The following FBRSL1 variants were observed in gnomAD, a reference collection of about 807,000 sequenced individuals.
FBRSL1 encodes the protein fibrosin-1-like protein.
In FBRSL1, 51 loss-of-function variants were observed where a neutral mutation model predicts 89.6. The observed-to-expected ratio is 0.57, with a 90% CI of 0.45 to 0.72. The LOEUF (loss-of-function observed/expected upper bound fraction) is 0.72. FBRSL1 is among the 30% of genes least tolerant of loss of function. The pLI, the probability that FBRSL1 is intolerant of heterozygous loss-of-function variation, is 0.00. For synonymous variants in FBRSL1, 779 were observed against 681.1 expected (o/e 1.14, Z -2.24); for missense variants, 1,618 against 1,451.8 (o/e 1.11, Z -1.86).
intron 5 of FBRSL1, among the ~76,000 whole-genome samples, chr12:132,548,343 C>G (rs1044499238): frequency 6.6e-6 from 1 of 152,180 alleles, no homozygotes; most frequent in Admixed American, 6.5e-5. Flanking sequence ...CACATCAGCT[C>G]CAGCTCCTGG....
At chr12:132,564,747 G>A (rs557617859) in intron 5 of FBRSL1, among the ~76,000 whole-genome samples, 3,191 of 53,576 alleles carry the variant, frequency 0.06, 653 homozygotes, top group Middle Eastern at 0.2. Flanking sequence ...CGCCCTCCTC[G>A]GCCTCCCGAG....
chr12:132,518,193 C>T (rs2035015367), intron 2 of FBRSL1, among the ~76,000 whole-genome samples: 2 of 152,180 alleles, frequency 1.3e-5, no homozygotes, highest in African/African-American at 4.8e-5. Flanking sequence ...GCCAGCATCC[C>T]TCATATCATC....
Position 132,584,819 on chromosome 12 carries a change from TACACACACACACAC to T in FBRSL1, c.*1061_*1074del, listed in dbSNP as rs72443894. ...AGTGCAAGAGTCTAAAGGCTGATTTTACACACACACACACACACACACACACACACACAAAATCA... is the reference window on the plus strand; with the variant it reads ...AGTGCAAGAGTCTAAAGGCTGATTTTACACACACACACACACACAAAATCA... On this transcript the variant is annotated 3_prime_UTR_variant, in exon 19 of 19. Transcript: ENST00000680143. The T allele has an allele frequency of 6.0e-5, 6 of 99,482 alleles. No homozygotes were observed. The highest frequency in any genetic ancestry group is 1.8e-4 in the African/African-American group (5 of 27,932). The allele number at this position is 99,482 out of a possible 1,614,324, so 6.2% of individuals were successfully genotyped here.
chr12:132,570,934 T>C (rs1316920937), intron 8 of FBRSL1, 134 bp from the exon 9 acceptor site: 1 of 523,004 alleles, frequency 1.9e-6, no homozygotes, highest in African/African-American at 2.1e-5. Flanking sequence ...CCCAGGCGCT[T>C]CCTGAGGCTC....
In FBRSL1 at chr12:132,583,446, TAC is replaced by T; in HGVS notation, c.2679_2680del (p.Tyr893Ter). 1 of 1,065,452 alleles carries T rather than the reference TAC, an allele frequency of 9.4e-7. No homozygotes were observed. The highest frequency in any genetic ancestry group is 1.1e-6 in the Non-Finnish European group (1 of 880,712). 66.0% of individuals were successfully genotyped at this position (1,065,452 alleles called of 1,614,324 possible). A position where few individuals can be genotyped will look rare whatever the true frequency, so the allele number is the denominator to read the frequency against. On this transcript the variant is annotated frameshift_variant, in exon 19 of 19. Coordinates refer to ENST00000680143, the MANE Select transcript of FBRSL1 (RefSeq NM_001367871.1). LOFTEE classifies it high-confidence loss of function. ...RPYRDREPHG[Y>X]SPERLRGELE... Reference sequence around the variant, plus strand: ...CTACCGCGACCGCGAGCCCCACGGCTACAGCCCCGAGCGCCTGCGCGGGGAGC... The same window carrying T: ...CTACCGCGACCGCGAGCCCCACGGCTAGCCCCGAGCGCCTGCGCGGGGAGC...
intron 1 of FBRSL1, among the ~76,000 whole-genome samples, chr12:132,493,718 T>C (rs754998874): frequency 1.3e-5 from 2 of 152,238 alleles, no homozygotes; most frequent in South Asian, 4.1e-4. Flanking sequence ...CCCCTTTGTG[T>C]ACCCTGGGTG....
intron 5 of FBRSL1, among the ~76,000 whole-genome samples, chr12:132,564,231 C>T (rs978402331): frequency 3.3e-5 from 5 of 152,330 alleles, no homozygotes; most frequent in African/African-American, 4.8e-5. Flanking sequence ...CACCAGGCCC[C>T]GGTGGACCCT....
intron 4 of FBRSL1, among the ~76,000 whole-genome samples, chr12:132,544,851 G>A (rs1434250176): frequency 2.0e-5 from 3 of 152,050 alleles, no homozygotes; most frequent in Non-Finnish European, 4.4e-5. Flanking sequence ...TGGTGACGGT[G>A]ATGAGGGTGA....
chr12:132,502,779 G>A (rs1182374339), intron 1 of FBRSL1, among the ~76,000 whole-genome samples: 1 of 21,974 alleles, frequency 4.6e-5, no homozygotes, highest in East Asian at 1.8e-3. Flanking sequence ...GCCCCCTACC[G>A]TCCCTGCCCT....
rs757626260 is a variant in FBRSL1 at position 132,572,303 on chromosome 12, C to T, written c.1393C>T (p.Pro465Ser). The T allele has an allele frequency of 1.5e-5, 24 of 1,551,170 alleles. No individual in the cohort carries two copies. In the East Asian group the frequency reaches 5.6e-4, roughly 36 times the overall value. ...TCCCTTCCAGTTTGACAAGTATGCG[C>T]CCAAGCTGGACAGCCCCTACTTCCG... ...PRECQFDKYA[P>S]KLDSPYFRHS... Residue 465 changes from proline (P) to serine (S), a missense_variant, in exon 10 of 19, where the codon CCC (proline) becomes TCC (serine). Physicochemically the swap from Pro to Ser is moderately conservative, Grantham distance 74 (BLOSUM62 -1). Transcript: ENST00000680143.
rs2040898983 is a variant in FBRSL1 at position 132,583,100 on chromosome 12, GGCCGA to G, written c.2332_2336del (p.Ala778ThrfsTer246). ...GGTCCGGGGCCCCCGCGGAGCGCGA[GGCCGA>G]ACCTCGGGTCAAGGAGAGCCGCTCC... On this transcript the variant is annotated frameshift_variant, in exon 19 of 19. Coordinates refer to ENST00000680143, the MANE Select transcript of FBRSL1 (RefSeq NM_001367871.1). LOFTEE classifies it high-confidence loss of function. The G allele has an allele frequency of 5.5e-6, 8 of 1,454,748 alleles. No homozygotes were observed. The highest frequency in any genetic ancestry group is 3.1e-5 in the East Asian group (1 of 31,982). The allele number at this position is 1,454,748 out of a possible 1,614,324, so 90.1% of individuals were successfully genotyped here. A position where few individuals can be genotyped will look rare whatever the true frequency, so the allele number is the denominator to read the frequency against.
At chr12:132,520,639 G>T (rs1566134678) in intron 2 of FBRSL1, among the ~76,000 whole-genome samples, 1 of 152,322 alleles carries the variant, frequency 6.6e-6, no homozygotes, top group Admixed American at 6.5e-5. Context: ...GGGGACTGTG[G>T]TAGGGCTGAA....
chr12:132,542,896 G>C (rs1471268648), intron 4 of FBRSL1, among the ~76,000 whole-genome samples: 1 of 152,246 alleles, frequency 6.6e-6, no homozygotes, highest in African/African-American at 2.4e-5. Context: ...GTTCTTTGCT[G>C]CTTAATAGCC....
rs573796792 is a variant in FBRSL1 at position 132,537,706 on chromosome 12, G to A, written c.615+9718G>A. Among the ~76,000 whole-genome samples, 126 of 152,272 alleles carry A rather than the reference G, an allele frequency of 8.3e-4. 1 individual carries two copies. The highest frequency in any genetic ancestry group is 3.4e-3 in the Middle Eastern group (1 of 294). ...CTTTGTGACAGTTGGGAGCCCCCACGAGGATAGTTTTGTCCCCTCCAACCA... is the reference window on the plus strand; with the variant it reads ...CTTTGTGACAGTTGGGAGCCCCCACAAGGATAGTTTTGTCCCCTCCAACCA... On this transcript the variant is annotated intron_variant, in intron 4 of 18. Coordinates refer to ENST00000680143, the MANE Select transcript of FBRSL1 (RefSeq NM_001367871.1).
intron 15 of FBRSL1, 82 bp from the exon 16 acceptor site, chr12:132,581,357 G>A: frequency 1.3e-6 from 2 of 1,548,384 alleles, no homozygotes; most frequent in Non-Finnish European, 1.7e-6. Context: ...AGGAAATTGG[G>A]GTGCTCCCTG....
At chr12:132,579,426 G>A (rs2040599261) in intron 15 of FBRSL1, among the ~76,000 whole-genome samples, 1 of 152,220 alleles carries the variant, frequency 6.6e-6, no homozygotes, top group Non-Finnish European at 1.5e-5. Context: ...ATTGGAATTT[G>A]TAAGTTACAT....
chr12:132,560,416 G>C (rs1484011248), intron 5 of FBRSL1, among the ~76,000 whole-genome samples: 1 of 151,936 alleles, frequency 6.6e-6, no homozygotes, highest in Non-Finnish European at 1.5e-5. Flanking sequence ...CGGGCGGGCG[G>C]GGGTGCGGCG....
At chr12:132,536,994 C>T (rs1057222987) in intron 4 of FBRSL1, among the ~76,000 whole-genome samples, 9 of 152,252 alleles carry the variant, frequency 5.9e-5, no homozygotes, top group East Asian at 5.8e-4. Context: ...TGCAGGCACT[C>T]GGGGGTCTTC....
At chr12:132,529,093 G>C (rs949940454) in intron 4 of FBRSL1, among the ~76,000 whole-genome samples, 16 of 152,200 alleles carry the variant, frequency 1.1e-4, no homozygotes, top group Non-Finnish European at 2.4e-4. Flanking sequence ...CATTTCTACA[G>C]ATTGACGGCC....
Sources: gnomAD v4.1 joint callset for allele counts (sites outside exome capture counted in the v4.1 genomes callset) on GRCh38, gnomAD v4.1.1 for gene constraint, MANE v1.5 for transcripts, NCBI Gene and HGNC (gene_info 2026-07-23, HGNC 2026-07-21) for gene names.